Variants in RASGRF2 observed in about 807,000 individuals in gnomAD.
RASGRF2 encodes the protein ras-specific guanine nucleotide-releasing factor 2.
In RASGRF2, 76 loss-of-function variants were observed where a neutral mutation model predicts 151.0. The observed-to-expected ratio is 0.50, with a 90% CI of 0.42 to 0.61. The LOEUF (loss-of-function observed/expected upper bound fraction) is 0.61. Ranked by LOEUF, RASGRF2 falls within the 20% of genes least tolerant of loss-of-function variation. The pLI is 0.00. For synonymous variants in RASGRF2, 504 were observed against 566.5 expected, an observed-to-expected ratio of 0.89 and a Z score of 1.57; for missense variants, 1,148 against 1,564.6, an observed-to-expected ratio of 0.73 and a Z score of 4.49.
intron 19 of RASGRF2, chr5:81,204,012 C>T (rs1405931361): frequency 6.6e-6 from 1 of 152,208 alleles, no homozygotes; most frequent in Non-Finnish European, 1.5e-5. Flanking sequence ...ACACTGGTTG[C>T]TTGTGGCTCT....
intron 13 of RASGRF2, among the ~76,000 whole-genome samples, chr5:81,112,076 T>G (rs1753010906): frequency 6.6e-6 from 1 of 152,202 alleles, no homozygotes; most frequent in African/African-American, 2.4e-5. Context: ...GACAAATTAT[T>G]ATTTACCTCC....
chr5:80,979,803 A>T (rs989147180), intron 1 of RASGRF2, among the ~76,000 whole-genome samples: 2 of 152,230 alleles, frequency 1.3e-5, no homozygotes, highest in Non-Finnish European at 2.9e-5. Context: ...TATCATGGCT[A>T]TGTGAGAAAG....
intron 12 of RASGRF2, among the ~76,000 whole-genome samples, chr5:81,105,061 G>A (rs1752807761): frequency 4.6e-5 from 7 of 152,074 alleles, no homozygotes; most frequent in South Asian, 2.1e-4. Context: ...AGCAAAAACT[G>A]CTTCCCTTCT....
In RASGRF2 at chr5:81,133,551, A is replaced by G. The variant is rs139267857; in HGVS notation, c.2686+6388A>G. On this transcript the variant is annotated intron_variant, in intron 17 of 26. Coordinates refer to ENST00000265080, the MANE Select transcript of RASGRF2 (RefSeq NM_006909.3). ...CAGAGCACATCATTGCACTTACTAT[A>G]CACCTGAAGTTGTAGGATTAATTAT... Among the ~76,000 whole-genome samples the G allele has an allele frequency of 1.1e-3, 160 of 152,350 alleles. 5 individuals carry two copies. The East Asian group carries it at 0.028, about 27-fold the overall frequency.
chr5:81,061,996 A>C (rs1751449509), intron 2 of RASGRF2, among the ~76,000 whole-genome samples: 1 of 117,042 alleles, frequency 8.5e-6, no homozygotes, highest in Non-Finnish European at 1.9e-5. Flanking sequence ...ATCCCAGCTG[A>C]CAAAAAAAAA....
intron 18 of RASGRF2, among the ~76,000 whole-genome samples, chr5:81,197,956 CTTT>C (rs1472930130): frequency 6.6e-6 from 1 of 151,912 alleles, no homozygotes; most frequent in African/African-American, 2.4e-5. Flanking sequence ...CCTTTTTGTT[CTTT>C]TTTTCCCAAC....
intron 17 of RASGRF2, among the ~76,000 whole-genome samples, chr5:81,179,812 G>A (rs554788274): frequency 6.6e-6 from 1 of 152,268 alleles, no homozygotes; most frequent in Non-Finnish European, 1.5e-5. Flanking sequence ...CAGTTACTGC[G>A]AGGCAAAAGT....
intron 19 of RASGRF2, among the ~76,000 whole-genome samples, 190 bp downstream of exon 19, chr5:81,201,632 G>A (rs1024222596): frequency 2.6e-5 from 4 of 152,174 alleles, no homozygotes; most frequent in Non-Finnish European, 5.9e-5. Context: ...GACTCGGGAC[G>A]GGGTGGTATA....
chr5:81,180,648 G>A (rs965079748), intron 18 of RASGRF2, among the ~76,000 whole-genome samples: 1 of 152,004 alleles, frequency 6.6e-6, no homozygotes, highest in Non-Finnish European at 1.5e-5. Context: ...CTATGCTTGA[G>A]AGGCTGCCAA....
chr5:81,067,665 T>C (rs549504010), intron 2 of RASGRF2, among the ~76,000 whole-genome samples: 139 of 152,316 alleles, frequency 9.1e-4, no homozygotes, highest in Middle Eastern at 3.4e-3. Flanking sequence ...ATATTTTGAA[T>C]AGCATCCCTG....
At chr5:81,186,776 C>A (rs1391878694) in intron 18 of RASGRF2, among the ~76,000 whole-genome samples, 2 of 152,108 alleles carry the variant, frequency 1.3e-5, no homozygotes, top group Non-Finnish European at 2.9e-5. Flanking sequence ...TAAATTCAGT[C>A]CTCATGTGTC....
rs143627414 is a variant in RASGRF2, at chr5:81,015,319, C to G, written c.289-27558C>G. 3.8e-3 allele frequency among the ~76,000 whole-genome samples: 584 copies of G among 152,184 alleles called. 5 individuals are homozygous for G. Among genetic ancestry groups the G allele is most frequent in the African/African-American group, 0.013 (553 of 41,504 alleles). On this transcript the variant is annotated intron_variant, in intron 1 of 26. Transcript: ENST00000265080. ...GCTGGGTCAAATGGTATTTCTGGTT[C>G]TAGATCCTTGAGGAATCGCCACACT...
intron 1 of RASGRF2, among the ~76,000 whole-genome samples, chr5:81,039,387 A>G: frequency 6.6e-6 from 1 of 152,300 alleles, no homozygotes; most frequent in East Asian, 1.9e-4. Flanking sequence ...TATGATGCCA[A>G]ATGTATAATT....
chr5:81,226,006 G>A lies in RASGRF2; in HGVS notation c.*236G>A, dbSNP rs974344446. On this transcript the variant is annotated 3_prime_UTR_variant, in exon 27 of 27. Coordinates refer to ENST00000265080, the MANE Select transcript of RASGRF2 (RefSeq NM_006909.3). ...TGGCTATTTAGAAAGCTGGTGGCACGTTTTACATAAGGGAATGTCAGATGG... is the reference window on the plus strand; with the variant it reads ...TGGCTATTTAGAAAGCTGGTGGCACATTTTACATAAGGGAATGTCAGATGG... 27 of 400,510 alleles carry A rather than the reference G, an allele frequency of 6.7e-5. No individual in the cohort carries two copies. Among genetic ancestry groups the A allele is most frequent in the African/African-American group, 1.3e-4 (6 of 47,844 alleles). 24.8% of individuals were successfully genotyped at this position (400,510 alleles called of 1,614,324 possible).
At chr5:81,206,759 C>T (rs1755516999) in intron 19 of RASGRF2, 86 bp from the exon 20 acceptor site, 1 of 1,163,520 alleles carries the variant, frequency 8.6e-7, no homozygotes, top group Non-Finnish European at 1.3e-6. Context: ...GACCTCCCAT[C>T]CAGGGAAAAC....
At chr5:81,020,922 C>G (rs1400251053) in intron 1 of RASGRF2, among the ~76,000 whole-genome samples, 1 of 152,134 alleles carries the variant, frequency 6.6e-6, no homozygotes, top group Non-Finnish European at 1.5e-5. Context: ...AACTCAGGTT[C>G]CAAAAGATGA....
chr5:81,082,254 T>C (rs1006802242), intron 7 of RASGRF2, among the ~76,000 whole-genome samples: 4 of 152,302 alleles, frequency 2.6e-5, no homozygotes, highest in South Asian at 2.1e-4. Context: ...GGCAGAGCTG[T>C]ACTTTCGCTG....
At chr5:81,103,779 C>G (rs920337080) in intron 12 of RASGRF2, among the ~76,000 whole-genome samples, 2 of 152,054 alleles carry the variant, frequency 1.3e-5, no homozygotes, top group African/African-American at 4.8e-5. Context: ...TTGTAATGGT[C>G]ACTGTATCTT....
At chr5:81,179,368 A>C (rs975267696) in intron 17 of RASGRF2, among the ~76,000 whole-genome samples, 27 of 152,298 alleles carry the variant, frequency 1.8e-4, no homozygotes, top group Non-Finnish European at 3.5e-4. Context: ...AGGTACGCTT[A>C]TTATCTCATG....
Sources: allele counts gnomAD v4.1 joint callset (sites outside exome capture counted in the v4.1 genomes callset), GRCh38; gene constraint gnomAD v4.1.1; transcripts MANE v1.5; gene names NCBI Gene and HGNC (gene_info 2026-07-23, HGNC 2026-07-21).